The following FRMD4A variants were observed in gnomAD, a reference collection of about 807,000 sequenced individuals.
FRMD4A encodes FERM domain-containing protein 4A.
In FRMD4A, 29 loss-of-function variants were observed where a neutral mutation model predicts 129.1. That is an observed-to-expected ratio of 0.22 (90% CI 0.17 to 0.31). The LOEUF (loss-of-function observed/expected upper bound fraction) is 0.31. Among genes scored for constraint, FRMD4A ranks in the 10% least tolerant of loss-of-function variants. The pLI is 1.00. For missense variants in FRMD4A, 1,272 were observed against 1,375.8 expected (o/e 0.92, Z 1.19); for synonymous variants, 634 against 571.6 (o/e 1.11, Z -1.56).
chr10:13,965,120 G>A (rs1466553128), intron 2 of FRMD4A, among the ~76,000 whole-genome samples: 1 of 146,804 alleles, frequency 6.8e-6, no homozygotes, highest in Admixed American at 7.0e-5. Context: ...GATATATTCA[G>A]TTTGGGAGAG....
chr10:13,902,489 G>GAC (rs1379448851), intron 2 of FRMD4A, among the ~76,000 whole-genome samples: 1 of 151,154 alleles, frequency 6.6e-6, no homozygotes, highest in Non-Finnish European at 1.5e-5. Context: ...GAGAGAGAGA[G>GAC]AGTGACAGAG....
At chr10:13,975,023 GC>G (rs1239584748) in intron 2 of FRMD4A, among the ~76,000 whole-genome samples, 1 of 151,952 alleles carries the variant, frequency 6.6e-6, no homozygotes, top group East Asian at 1.9e-4. Flanking sequence ...GTGTGTCTGT[GC>G]GTGTCTGAGT....
chr10:14,181,471 C>G (rs748764754), intron 2 of FRMD4A, among the ~76,000 whole-genome samples: 5 of 152,096 alleles, frequency 3.3e-5, no homozygotes. Context: ...TTCTTCCCGT[C>G]GTCACAGAGG....
intron 2 of FRMD4A, among the ~76,000 whole-genome samples, chr10:14,089,618 C>CAAAA (rs369054869): frequency 5.0e-5 from 4 of 79,596 alleles, no homozygotes; most frequent in South Asian, 4.2e-4. Context: ...CCTTTTCAAG[C>CAAAA]AAAAAAAAAA....
intron 15 of FRMD4A, among the ~76,000 whole-genome samples, chr10:13,687,312 G>A (rs1475221057): frequency 6.6e-6 from 1 of 151,944 alleles, no homozygotes; most frequent in African/African-American, 2.4e-5. Flanking sequence ...CAAAATGAAT[G>A]AATGAATGAG....
chr10:14,205,806 CAAAAAA>C (rs59803872), intron 2 of FRMD4A, among the ~76,000 whole-genome samples: 35 of 67,320 alleles, frequency 5.2e-4, no homozygotes, highest in Admixed American at 7.6e-4. Flanking sequence ...GACTCTGTCT[CAAAAAA>C]AAAAAAAAAA....
intron 2 of FRMD4A, among the ~76,000 whole-genome samples, chr10:14,047,431 A>G (rs1019835864): frequency 1.3e-5 from 2 of 152,206 alleles, no homozygotes; most frequent in African/African-American, 4.8e-5. Flanking sequence ...TGTGATCCAC[A>G]CACATTTCCA....
intron 2 of FRMD4A, among the ~76,000 whole-genome samples, chr10:13,891,303 T>TA (rs1228406279): frequency 1.3e-5 from 2 of 151,952 alleles, no homozygotes; most frequent in Admixed American, 6.6e-5. Flanking sequence ...AAAATGGTTT[T>TA]AAAAAAAGCC....
intron 2 of FRMD4A, among the ~76,000 whole-genome samples, chr10:14,231,234 C>T (rs1203482874): frequency 6.6e-6 from 1 of 152,166 alleles, no homozygotes; most frequent in East Asian, 1.9e-4. Context: ...ATTTACATTC[C>T]CACCAACAGT....
At chr10:13,750,069 G>GAAGGAAGGAAGGAAGAAAGA in intron 8 of FRMD4A, among the ~76,000 whole-genome samples, 1 of 55,656 alleles carries the variant, frequency 1.8e-5, no homozygotes, top group Non-Finnish European at 3.7e-5. Flanking sequence ...AGGAAGGAAG[G>GAAGGAAGGAAGGAAGAAAGA]AAGAAAGAAA....
intron 2 of FRMD4A, among the ~76,000 whole-genome samples, chr10:14,225,184 C>A (rs1048066685): frequency 2.6e-5 from 4 of 152,068 alleles, no homozygotes; most frequent in Admixed American, 1.3e-4. Context: ...AAACATTTAG[C>A]CTAAAATCGT....
chr10:13,750,020 G>T (rs2091493035), intron 8 of FRMD4A, among the ~76,000 whole-genome samples: 1 of 136,590 alleles, frequency 7.3e-6, no homozygotes, highest in Non-Finnish European at 1.6e-5. Flanking sequence ...AGAGAGAGAA[G>T]GAGAGAGAGA....
At chr10:13,849,283 C>T (rs1263169145) in intron 3 of FRMD4A, among the ~76,000 whole-genome samples, 1 of 152,210 alleles carries the variant, frequency 6.6e-6, no homozygotes, top group Non-Finnish European at 1.5e-5. Context: ...ACAGAAACTC[C>T]TGGTGGATTC....
intron 2 of FRMD4A, among the ~76,000 whole-genome samples, chr10:14,312,823 G>A (rs369534161): frequency 2.4e-3 from 362 of 152,210 alleles, no homozygotes; most frequent in South Asian, 0.018. Context: ...CTGCAAGTAC[G>A]CCACTGCACT....
Position 13,805,438 on chromosome 10 carries a change from TA to T in FRMD4A, c.206+5375del, listed in dbSNP as rs200944576. 1.6e-4 allele frequency among the ~76,000 whole-genome samples: 24 copies of T among 151,198 alleles called. No individual in the cohort carries two copies. In the South Asian group the frequency reaches 2.9e-3, roughly 19 times the overall value. On this transcript the variant is annotated intron_variant, in intron 4 of 24. Coordinates refer to ENST00000357447, the MANE Select transcript of FRMD4A (RefSeq NM_018027.5). ...CACTTTTAAAAGGCTTTTTTTTTCT[TA>T]AAAAAAAACCCCCAAAAAATCAATC... is the stretch of plus-strand genomic sequence containing the variant.
At chr10:13,823,977 CTG>C (rs2093664821) in intron 3 of FRMD4A, among the ~76,000 whole-genome samples, 1 of 152,252 alleles carries the variant, frequency 6.6e-6, no homozygotes, top group South Asian at 2.1e-4. Context: ...CATTCGAAGA[CTG>C]TGTCTCTATT....
At chr10:14,220,451 T>A (rs568241081) in intron 2 of FRMD4A, among the ~76,000 whole-genome samples, 17 of 152,228 alleles carry the variant, frequency 1.1e-4, no homozygotes, top group African/African-American at 4.1e-4. Flanking sequence ...CATTAGTCAA[T>A]CCCCTCCATG....
At chr10:13,650,633 G>A (rs368033689) in intron 24 of FRMD4A, among the ~76,000 whole-genome samples, 1 of 152,142 alleles carries the variant, frequency 6.6e-6, no homozygotes, top group Non-Finnish European at 1.5e-5. Context: ...ACTGGGGCTG[G>A]GGGAGGGGGT....
chr10:13,667,201 C>T (rs1217418928), intron 17 of FRMD4A, among the ~76,000 whole-genome samples: 1 of 152,160 alleles, frequency 6.6e-6, no homozygotes, highest in East Asian at 1.9e-4. Context: ...TGTGAGCCAC[C>T]ATGCCCGGCC....
Sources: allele counts gnomAD v4.1 joint callset (sites outside exome capture counted in the v4.1 genomes callset), GRCh38; gene constraint gnomAD v4.1.1; transcripts MANE v1.5; gene names NCBI Gene and HGNC (gene_info 2026-07-23, HGNC 2026-07-21).